ZNF610: variants seen among roughly 807,000 people sequenced by gnomAD.
ZNF610 encodes the protein zinc finger protein 610, also known as zink finger protein.
In ZNF610, 14 loss-of-function variants were observed where a neutral mutation model predicts 14.1. The observed-to-expected ratio is 0.99, with a 90% CI of 0.65 to 1.55. The LOEUF is 1.55. ZNF610 is among the 40% of genes most tolerant of loss of function. ZNF610 has a pLI of 0.00. For synonymous variants in ZNF610, 185 were observed against 187.6 expected, an observed-to-expected ratio of 0.99 and a Z score of 0.11; for missense variants, 530 against 558.0, an observed-to-expected ratio of 0.95 and a Z score of 0.51.
Position 52,365,843 on chromosome 19 carries a change from A to T in ZNF610, c.465A>T (p.Thr155=), listed in dbSNP as rs141182445. The part of the protein sequence containing the change: ...IYRSNQVEKF[T]NHRSSVSPLQ... ...GAAGTAATCAAGTTGAAAAGTTTAC[A>T]AACCATCGTTCCTCAGTTTCACCAC... The change falls in exon 6 of 6, where the codon ACA becomes ACT. Residue 155 remains threonine (T), a synonymous_variant. Transcript: ENST00000403906. The T allele has an allele frequency of 1.1e-5, 17 of 1,614,068 alleles. No homozygotes were observed. Among genetic ancestry groups the T allele is most frequent in the Non-Finnish European group, 1.4e-5 (16 of 1,180,040 alleles).
intron 5 of ZNF610, among the ~76,000 whole-genome samples, chr19:52,357,196 T>C (rs1985563387): frequency 6.6e-6 from 1 of 152,134 alleles, no homozygotes; most frequent in African/African-American, 2.4e-5. Context: ...ATACTTAACA[T>C]TTACAGGGTT....
Position 52,353,765 on chromosome 19 carries a change from C to A in ZNF610, c.147C>A (p.Tyr49Ter). ...KSLDPGQRAL[Y>*]RDVMLENYRN... Reference sequence around the variant, plus strand: ...TGGACCCTGGACAGAGGGCTTTATACAGGGACGTGATGTTGGAGAACTACA... The same window carrying A: ...TGGACCCTGGACAGAGGGCTTTATAAAGGGACGTGATGTTGGAGAACTACA... The change falls in exon 4 of 6, where the codon TAC becomes TAA. Residue 49 changes from tyrosine (Y) to a stop codon, truncating the protein, a stop_gained. Transcript: ENST00000403906. LOFTEE classifies it high-confidence loss of function. 1 of 1,613,578 alleles carries A rather than the reference C, an allele frequency of 6.2e-7. No homozygotes were observed. Among genetic ancestry groups the A allele is most frequent in the South Asian group, 1.1e-5 (1 of 90,944 alleles).
intron 5 of ZNF610, among the ~76,000 whole-genome samples, chr19:52,354,912 T>A (rs1460291177): frequency 6.6e-6 from 1 of 152,100 alleles, no homozygotes; most frequent in Non-Finnish European, 1.5e-5. Context: ...TGGGAAACTC[T>A]CCAAAGGTGG....
rs777941228 is a variant in ZNF610, at chr19:52,365,737, C to G, written c.359C>G (p.Pro120Arg). Residue 120 changes from proline (P) to arginine (R), a missense_variant, in exon 6 of 6, where the codon CCT becomes CGT. Transcript: ENST00000403906. ...TTGGGAAGCAATGCAGAAAACAAGC[C>G]TATTAAAAATCAACTTGGATTAACC... Reference protein sequence around the residue: ...CVLGSNAENKPIKNQLGLTLE... With the variant: ...CVLGSNAENKRIKNQLGLTLE... 2 of 1,611,708 alleles carry G rather than the reference C, an allele frequency of 1.2e-6. No homozygotes were observed. Among genetic ancestry groups the G allele is most frequent in the Admixed American group, 3.4e-5 (2 of 59,368 alleles).
chr19:52,335,361 G>A (rs1268456137), upstream of ZNF610, among the ~76,000 whole-genome samples: 2 of 152,228 alleles, frequency 1.3e-5, no homozygotes, highest in Non-Finnish European at 2.9e-5. Flanking sequence ...GGTGGCATGT[G>A]CCTGTAGCGT....
chr19:52,352,659 CT>C (rs1284500612), intron 3 of ZNF610, among the ~76,000 whole-genome samples: 1 of 151,588 alleles, frequency 6.6e-6, no homozygotes, highest in Admixed American at 6.6e-5. Context: ...CCTACCCCCA[CT>C]TTTTTTTTCC....
chr19:52,358,316 T>C (rs1345175110), intron 5 of ZNF610, among the ~76,000 whole-genome samples: 1 of 152,198 alleles, frequency 6.6e-6, no homozygotes. Flanking sequence ...CCTGAGTAGC[T>C]ACAACTACAG....
chr19:52,361,612 T>A (rs376357558), intron 5 of ZNF610, among the ~76,000 whole-genome samples: 1 of 103,454 alleles, frequency 9.7e-6, no homozygotes, highest in South Asian at 2.9e-4. Context: ...TTTTAAAATT[T>A]ATTTTAATTT....
rs773275889 is a variant in ZNF610, at chr19:52,354,325, G to T, written c.265G>T (p.Val89Phe). The T allele has an allele frequency of 6.2e-7, 1 of 1,614,024 alleles. No individual in the cohort carries two copies. Among genetic ancestry groups the T allele is most frequent in the Admixed American group, 1.7e-5 (1 of 59,982 alleles). The change falls in exon 5 of 6, where the codon GTT (valine) becomes TTT (phenylalanine). Residue 89 changes from valine to phenylalanine, a missense_variant. Coordinates refer to ENST00000403906, the MANE Select transcript of ZNF610 (RefSeq NM_001161425.2). ...RREPLILQSQ[V>F]KIVKNTDGRE... The stretch of plus-strand genomic sequence containing the variant: ...AGAGCCCTTGATTCTGCAAAGTCAA[G>T]TTAAAATAGTAAAAAATACAGATGG...
intron 1 of ZNF610, among the ~76,000 whole-genome samples, chr19:52,338,113 G>C (rs530126038): frequency 6.6e-6 from 1 of 152,200 alleles, no homozygotes; most frequent in Non-Finnish European, 1.5e-5. Context: ...TGTGGAGTTA[G>C]CCTCAGATTC....
chr19:52,359,462 A>T (rs1985677794), intron 5 of ZNF610, among the ~76,000 whole-genome samples: 1 of 152,200 alleles, frequency 6.6e-6, no homozygotes, highest in Non-Finnish European at 1.5e-5. Context: ...TCCCATGGAT[A>T]CGTAGGGCAG....
At chr19:52,343,846 C>A (rs1202243700) in intron 1 of ZNF610, among the ~76,000 whole-genome samples, 1 of 152,104 alleles carries the variant, frequency 6.6e-6, no homozygotes, top group Non-Finnish European at 1.5e-5. Flanking sequence ...TTCAGAGAGG[C>A]CCCTGACAGC....
At chr19:52,332,551 GAGA>G (rs1984238009), upstream of ZNF610, among the ~76,000 whole-genome samples, 1 of 152,150 alleles carries the variant, frequency 6.6e-6, no homozygotes, top group South Asian at 2.1e-4. This position sits in a 1 kb window ranked among gnomAD's most constrained non-coding sequence, Gnocchi z 4.1. Flanking sequence ...TAAAAAACAG[GAGA>G]AGGAGGATAA....
intron 3 of ZNF610, 107 bp from the exon 4 acceptor site, chr19:52,353,575 T>C (rs1985363342): frequency 7.2e-6 from 9 of 1,246,230 alleles, no homozygotes; most frequent in Non-Finnish European, 1.0e-5. Flanking sequence ...CTATGTTTTT[T>C]AATGATCTGC....
intron 3 of ZNF610, among the ~76,000 whole-genome samples, chr19:52,351,055 C>T (rs569855192): frequency 2.6e-5 from 4 of 152,248 alleles, no homozygotes; most frequent in South Asian, 4.1e-4. Context: ...GTGATTGTTT[C>T]GTTGTAATAT....
At chr19:52,361,814 T>G (rs148135989) in intron 5 of ZNF610, among the ~76,000 whole-genome samples, 6 of 152,230 alleles carry the variant, frequency 3.9e-5, no homozygotes, top group Non-Finnish European at 7.4e-5. Context: ...CTTTAGTGCT[T>G]CTCTCTTCTG....
intron 5 of ZNF610, among the ~76,000 whole-genome samples, chr19:52,361,179 CTTT>C (rs199515927): frequency 2.1e-5 from 3 of 140,736 alleles, no homozygotes; most frequent in Middle Eastern, 3.8e-3. Context: ...ATCTCATTTT[CTTT>C]TTTTTTTTTT....
rs779317883 is a variant in ZNF610 at position 52,353,685 on chromosome 19, C to T, written c.67C>T (p.Arg23Cys). 2.0e-5 allele frequency: 33 copies of T among 1,613,344 alleles called. No homozygotes were observed. The highest frequency in any genetic ancestry group is 1.6e-4 in the Middle Eastern group (1 of 6,076). ...KESGMALPQGRLTFMDVAIEF... is the reference protein window; with the variant it reads ...KESGMALPQGCLTFMDVAIEF... ...AACAATGTGGTCCTCATTTTAGGGACGCTTGACATTCATGGACGTGGCCAT... is the reference window on the plus strand; with the variant it reads ...AACAATGTGGTCCTCATTTTAGGGATGCTTGACATTCATGGACGTGGCCAT... Residue 23 changes from arginine (R) to cysteine (C), a missense_variant, in exon 4 of 6, where the codon CGC becomes TGC. Arg to Cys is a radical substitution (Grantham distance 180). Transcript: ENST00000403906.
At chr19:52,346,591 C>T (rs78493884) in intron 1 of ZNF610, among the ~76,000 whole-genome samples, 3,693 of 152,290 alleles carry the variant, frequency 0.024, 50 homozygotes, top group Non-Finnish European at 0.034. Flanking sequence ...AGCCACCACA[C>T]CCAACCCCAA....
Sources: allele counts gnomAD v4.1 joint callset (sites outside exome capture counted in the v4.1 genomes callset), GRCh38; gene constraint gnomAD v4.1.1; non-coding constraint Gnocchi (gnomAD v3.1); transcripts MANE v1.5; gene names NCBI Gene and HGNC (gene_info 2026-07-23, HGNC 2026-07-21).